SLC47A2: variants seen among roughly 807,000 people sequenced by gnomAD.
SLC47A2 encodes multidrug and toxin extrusion protein 2.
SLC47A2 carries 52 observed loss-of-function variants against 67.7 expected under a neutral mutation model. The observed-to-expected ratio is 0.77, with a 90% CI of 0.61 to 0.97. The LOEUF (loss-of-function observed/expected upper bound fraction) is 0.97. Among genes scored for constraint, SLC47A2 ranks in the 50% least tolerant of loss-of-function variants. The pLI is 0.00. For synonymous variants in SLC47A2, 278 were observed against 292.9 expected, an observed-to-expected ratio of 0.95 and a Z score of 0.52; for missense variants, 676 against 712.3, an observed-to-expected ratio of 0.95 and a Z score of 0.58.
At chr17:19,680,188 C>A in intron 15 of SLC47A2, 149 bp from the exon 16 acceptor site, 2 of 765,290 alleles carry the variant, frequency 2.6e-6, no homozygotes, top group South Asian at 4.0e-5. Flanking sequence ...TAGAAAGTAT[C>A]ATTTTAAGGC....
intron 11 of SLC47A2, 85 bp downstream of exon 11, chr17:19,703,985 G>T: frequency 9.2e-7 from 1 of 1,081,676 alleles, no homozygotes; most frequent in Non-Finnish European, 1.3e-6. Flanking sequence ...GGCCAGCCCT[G>T]CCTCCAGCAT....
At chr17:19,705,409 G>A (rs760910386) in intron 10 of SLC47A2, 27 bp downstream of exon 10, 1 of 1,600,616 alleles carries the variant, frequency 6.2e-7, no homozygotes, top group East Asian at 2.3e-5. Context: ...GGGGGATGTG[G>A]GGAAGGCACC....
chr17:19,707,770 T>G lies in SLC47A2; in HGVS notation c.703A>C (p.Lys235Gln). ...CCTGCCCACGTCTCCAGGTGCAGCTTCTTCAGCACAATGTAGAGAAGGAGG... is the reference window on the plus strand; with the variant it reads ...CCTGCCCACGTCTCCAGGTGCAGCTGCTTCAGCACAATGTAGAGAAGGAGG... ...VFLLLYIVLK[K>Q]LHLETWAGWS... Residue 235 changes from lysine to glutamine, a missense_variant, in exon 8 of 17, where the codon AAG becomes CAG. Lys to Gln is a moderately conservative substitution (Grantham distance 53). Coordinates refer to ENST00000433844, the MANE Select transcript of SLC47A2 (RefSeq NM_001099646.3). The G allele has an allele frequency of 1.3e-5, 20 of 1,599,190 alleles. No homozygotes were observed. The highest frequency in any genetic ancestry group is 1.5e-5 in the Non-Finnish European group (18 of 1,173,210).
At chr17:19,710,796 T>A (rs947597300) in intron 5 of SLC47A2, among the ~76,000 whole-genome samples, 3 of 151,032 alleles carry the variant, frequency 2.0e-5, no homozygotes, top group Non-Finnish European at 4.4e-5. Flanking sequence ...GGAATAGGAC[T>A]TACATACACA....
chr17:19,706,794 G>A (rs1555541562), intron 8 of SLC47A2, 33 bp from the exon 9 acceptor site: 3 of 1,525,562 alleles, frequency 2.0e-6, no homozygotes, highest in South Asian at 2.3e-5. Context: ...CTGACAGCCT[G>A]CCCTGCTTGC....
chr17:19,714,404 T>C (rs928134336), intron 3 of SLC47A2: 88 of 486,284 alleles, frequency 1.8e-4, no homozygotes, highest in African/African-American at 1.3e-3. Flanking sequence ...CATGCCTGCA[T>C]GTAGGCAGCC....
intron 1 of SLC47A2, chr17:19,715,692 G>GTTTTTTTTTTTTT (rs1262965934): frequency 3.5e-5 from 3 of 86,652 alleles, no homozygotes; most frequent in Admixed American, 1.4e-4. Context: ...CTCCTTTTTG[G>GTTTTTTTTTTTTT]TTTTGTTTTT....
In SLC47A2 at chr17:19,714,808, G is replaced by T. The variant is rs1489277425; in HGVS notation, c.226-19C>A. ...TGACAAACTGGCGCCACACACAGGAGGAAACAAGAGCTTGTCAGGTGAGGC... is the reference window on the plus strand; with the variant it reads ...TGACAAACTGGCGCCACACACAGGATGAAACAAGAGCTTGTCAGGTGAGGC... On this transcript the variant is annotated intron_variant, in intron 2 of 16. Transcript: ENST00000433844. 1.9e-6 allele frequency: 3 copies of T among 1,613,828 alleles called. No homozygotes were observed. The highest frequency in any genetic ancestry group is 2.7e-5 in the African/African-American group (2 of 74,946).
At chr17:19,702,764 A>G in intron 12 of SLC47A2, 90 bp from the exon 13 acceptor site, 1 of 1,429,760 alleles carries the variant, frequency 7.0e-7, no homozygotes, top group Non-Finnish European at 9.7e-7. Flanking sequence ...CCCCCACAAG[A>G]AAAAGCTTTG....
At chr17:19,702,930 G>A (rs774299709) in intron 12 of SLC47A2, among the ~76,000 whole-genome samples, 162 bp downstream of exon 12, 9 of 152,164 alleles carry the variant, frequency 5.9e-5, no homozygotes, top group Non-Finnish European at 1.3e-4. Context: ...AAAGGCCTGG[G>A]GTGGATAGAC....
chr17:19,707,905 A>G (rs576296311), intron 7 of SLC47A2, 62 bp from the exon 8 acceptor site: 1 of 1,473,720 alleles, frequency 6.8e-7, no homozygotes, highest in Admixed American at 2.0e-5. Context: ...GCCCTGCCTG[A>G]GAGAGAGGTG....
chr17:19,716,172 G>T, intron 1 of SLC47A2: 2 of 470,806 alleles, frequency 4.2e-6, no homozygotes, highest in Non-Finnish European at 7.4e-6. Context: ...GCTTTTGTGG[G>T]TTTCCAGCTG....
upstream of SLC47A2, chr17:19,717,448 A>G (rs2086290950): frequency 1.3e-5 from 2 of 152,410 alleles, no homozygotes; most frequent in African/African-American, 4.8e-5. Context: ...GCATCTAAGG[A>G]TTGCACCGGT....
At chr17:19,679,355 A>G (rs2085261769) in intron 16 of SLC47A2, among the ~76,000 whole-genome samples, 2 of 152,214 alleles carry the variant, frequency 1.3e-5, no homozygotes, top group African/African-American at 4.8e-5. Context: ...GCTTTGGGCC[A>G]TGTGCACACA....
intron 5 of SLC47A2, among the ~76,000 whole-genome samples, chr17:19,710,248 A>T (rs1052885178): frequency 6.6e-6 from 1 of 152,214 alleles, no homozygotes; most frequent in Non-Finnish European, 1.5e-5. Context: ...GAAGAGACAT[A>T]CAGATCCCCG....
Position 19,678,416 on chromosome 17 carries a change from C to G in SLC47A2, c.*270G>C, listed in dbSNP as rs2085235223. On this transcript the variant is annotated 3_prime_UTR_variant, in exon 17 of 17. Transcript: ENST00000433844. ...TACATTATTAATAATAGTGACAATC[C>G]CTGGACTCTGACTCGTGCAGTTGGC... is the stretch of plus-strand genomic sequence containing the variant. 3 of 478,454 alleles carry G rather than the reference C, an allele frequency of 6.3e-6. No individual in the cohort carries two copies. Among genetic ancestry groups the G allele is most frequent in the South Asian group, 6.4e-5 (2 of 31,224 alleles). 29.6% of individuals were successfully genotyped at this position (478,454 alleles called of 1,614,324 possible).
chr17:19,681,212 CACAA>C (rs796105714), intron 15 of SLC47A2, among the ~76,000 whole-genome samples, 151 bp downstream of exon 15: 15 of 151,654 alleles, frequency 9.9e-5, no homozygotes, highest in African/African-American at 3.2e-4. Context: ...GACTCCATCT[CACAA>C]ACAAACAAAC....
intron 13 of SLC47A2, among the ~76,000 whole-genome samples, chr17:19,684,695 C>CAAA (rs754988040): frequency 3.2e-5 from 2 of 63,422 alleles, no homozygotes; most frequent in African/African-American, 5.6e-5. Context: ...ACTCTTTCTA[C>CAAA]AAAAAAAAAA....
chr17:19,704,795 A>T, intron 10 of SLC47A2: 6 of 725,780 alleles, frequency 8.3e-6, no homozygotes, highest in East Asian at 3.3e-5. Flanking sequence ...GTGTGCAGGA[A>T]TGTGGCCTGC....
Sources: allele counts gnomAD v4.1 joint callset (sites outside exome capture counted in the v4.1 genomes callset), GRCh38; gene constraint gnomAD v4.1.1; transcripts MANE v1.5; gene names NCBI Gene and HGNC (gene_info 2026-07-23, HGNC 2026-07-21).